Variants in NEBL observed in about 807,000 individuals in gnomAD.
The protein encoded by NEBL is nebulette.
Under a neutral mutation model 140.2 loss-of-function variants are expected in NEBL, and 122 were observed. That is an observed-to-expected ratio of 0.87 (90% CI 0.75 to 1.01). The LOEUF (loss-of-function observed/expected upper bound fraction) is 1.01, where lower values mean the gene tolerates loss of function less well. Ranked by LOEUF, NEBL falls within the 50% of genes least tolerant of loss-of-function variation. The probability of loss-of-function intolerance (pLI) is 0.00; values close to 1 mark genes in which losing one functional copy is unlikely to be tolerated. For synonymous variants in NEBL, 436 were observed against 398.9 expected (o/e 1.09, Z -1.11); for missense variants, 1,365 against 1,231.3 (o/e 1.11, Z -1.62).
chr10:21,002,698 A>T (rs1194919837), intron 3 of NEBL, among the ~76,000 whole-genome samples: 1 of 152,112 alleles, frequency 6.6e-6, no homozygotes, highest in Non-Finnish European at 1.5e-5. Flanking sequence ...AAAGAGAGCG[A>T]GCGAAGGGGG....
At chr10:20,883,779 G>C (rs1026672658) in intron 4 of NEBL, among the ~76,000 whole-genome samples, 1 of 152,144 alleles carries the variant, frequency 6.6e-6, no homozygotes, top group Non-Finnish European at 1.5e-5. Context: ...AATTTTAAAA[G>C]GCACTCTTTC....
At chr10:20,828,451 C>T (rs1380405577) in intron 17 of NEBL, 79 bp downstream of exon 17, 8 of 898,260 alleles carry the variant, frequency 8.9e-6, no homozygotes, top group Admixed American at 5.6e-5. Flanking sequence ...CAGAAAACAT[C>T]AGACAATGAG....
chr10:21,032,484 T>C (rs934215175), intron 2 of NEBL, among the ~76,000 whole-genome samples: 1 of 152,180 alleles, frequency 6.6e-6, no homozygotes, highest in African/African-American at 2.4e-5. Flanking sequence ...CATCGTCTTG[T>C]TCTTAATTCT....
chr10:21,076,537 G>A (rs1026193484), intron 2 of NEBL, among the ~76,000 whole-genome samples: 1 of 150,348 alleles, frequency 6.7e-6, no homozygotes, highest in Admixed American at 6.6e-5. Context: ...ACTAAAGTGG[G>A]AACTCAAGCA....
chr10:21,105,351 G>A (rs1229181867), intron 2 of NEBL, among the ~76,000 whole-genome samples: 1 of 150,568 alleles, frequency 6.6e-6, no homozygotes, highest in Non-Finnish European at 1.5e-5. Context: ...CCTACCCCCC[G>A]ACAGGCCCCA....
chr10:21,092,210 A>C (rs1178860332), intron 2 of NEBL, among the ~76,000 whole-genome samples: 3 of 152,204 alleles, frequency 2.0e-5, no homozygotes, highest in African/African-American at 7.2e-5. Flanking sequence ...ACAAGGATAC[A>C]TGTTCTACGG....
At chr10:21,230,537 TG>T (rs1254464359) in intron 3 of NEBL, among the ~76,000 whole-genome samples, 1 of 152,106 alleles carries the variant, frequency 6.6e-6, no homozygotes, top group African/African-American at 2.4e-5. Flanking sequence ...TATTCCCTTT[TG>T]TTTTGAGAGA....
At chr10:21,160,073 T>C (rs1840493637) in intron 2 of NEBL, among the ~76,000 whole-genome samples, 1 of 152,198 alleles carries the variant, frequency 6.6e-6, no homozygotes. Flanking sequence ...GAAGCCAGAC[T>C]TGGGAAGCTT....
chr10:21,265,412 G>A (rs1842787170), intron 1 of NEBL, among the ~76,000 whole-genome samples: 1 of 152,056 alleles, frequency 6.6e-6, no homozygotes, highest in Non-Finnish European at 1.5e-5. Flanking sequence ...CCCATCACAG[G>A]TTTTATCACT....
At chr10:21,141,356 C>G (rs763279543) in intron 2 of NEBL, among the ~76,000 whole-genome samples, 11 of 151,938 alleles carry the variant, frequency 7.2e-5, no homozygotes, top group Non-Finnish European at 1.2e-4. Flanking sequence ...TTAGGGGCAA[C>G]GAGACATCTT....
intron 3 of NEBL, among the ~76,000 whole-genome samples, chr10:20,968,375 G>C (rs1252544490): frequency 1.3e-5 from 2 of 151,966 alleles, no homozygotes; most frequent in Non-Finnish European, 2.9e-5. Context: ...GCCAGGCATG[G>C]TGGTACATAC....
intron 2 of NEBL, among the ~76,000 whole-genome samples, chr10:21,250,007 T>A (rs1431785207): frequency 2.0e-5 from 3 of 151,992 alleles, no homozygotes; most frequent in Non-Finnish European, 1.5e-5. Context: ...GAGGTTGCAA[T>A]GAGCCAAGAT....
intron 8 of NEBL, 26 bp from the exon 9 acceptor site, chr10:20,858,370 A>C: frequency 6.7e-7 from 1 of 1,489,850 alleles, no homozygotes; most frequent in Non-Finnish European, 9.4e-7. Flanking sequence ...GGAACAAAAT[A>C]CCATCGAGGA....
At chr10:21,212,691 G>A (rs1841937132) in intron 3 of NEBL, among the ~76,000 whole-genome samples, 1 of 152,170 alleles carries the variant, frequency 6.6e-6, no homozygotes, top group Non-Finnish European at 1.5e-5. Context: ...TTCAGTGAGT[G>A]CTTTCCAAAG....
intron 2 of NEBL, among the ~76,000 whole-genome samples, chr10:21,055,761 G>A (rs941174241): frequency 2.0e-5 from 3 of 152,216 alleles, no homozygotes; most frequent in Non-Finnish European, 4.4e-5. Flanking sequence ...TGACAAGCCT[G>A]TAGCGCAGAT....
At chr10:20,905,576 A>G (rs1848058182) in intron 4 of NEBL, among the ~76,000 whole-genome samples, 1 of 152,188 alleles carries the variant, frequency 6.6e-6, no homozygotes, top group African/African-American at 2.4e-5. Context: ...ACACATACGG[A>G]TTACAATTGG....
intron 3 of NEBL, among the ~76,000 whole-genome samples, chr10:21,015,403 A>G (rs1442865852): frequency 1.3e-5 from 2 of 152,380 alleles, no homozygotes; most frequent in Middle Eastern, 3.4e-3. Context: ...TACCCAAAGC[A>G]TCTATGCCTT....
intron 1 of NEBL, among the ~76,000 whole-genome samples, chr10:21,284,138 A>C (rs906015179): frequency 2.6e-4 from 35 of 132,876 alleles, no homozygotes; most frequent in Non-Finnish European, 4.5e-4. Flanking sequence ...AGAACCCAGG[A>C]GGCAGAGGTT....
chr10:21,191,536 A>G (rs55784235), intron 3 of NEBL, among the ~76,000 whole-genome samples: 11,658 of 152,210 alleles, frequency 0.077, 1,473 homozygotes, highest in African/African-American at 0.26. Flanking sequence ...GGAAGTTCTT[A>G]TCTTTGGAAT....
Sources: allele counts gnomAD v4.1 joint callset (sites outside exome capture counted in the v4.1 genomes callset), GRCh38; gene constraint gnomAD v4.1.1; transcripts MANE v1.5; gene names NCBI Gene and HGNC (gene_info 2026-07-23, HGNC 2026-07-21).